The following ELOVL4 variants were observed in gnomAD, a reference collection of about 807,000 sequenced individuals.
ELOVL4 encodes the protein very long chain fatty acid elongase 4.
Under a neutral mutation model 42.1 loss-of-function variants are expected in ELOVL4, and 18 were observed. The ratio of observed to expected loss-of-function variants is 0.43; its 90% confidence interval spans 0.30 to 0.63. The LOEUF (loss-of-function observed/expected upper bound fraction) is 0.63, where lower values mean the gene tolerates loss of function less well. Among genes scored for constraint, ELOVL4 ranks in the 30% least tolerant of loss-of-function variants. The pLI is 0.15. For missense variants in ELOVL4, 299 were observed against 376.2 expected, an observed-to-expected ratio of 0.79 and a Z score of 1.70; for synonymous variants, 117 against 127.0, an observed-to-expected ratio of 0.92 and a Z score of 0.53.
At chr6:79,941,211 T>G (rs1365317733) in intron 1 of ELOVL4, among the ~76,000 whole-genome samples, 1 of 152,158 alleles carries the variant, frequency 6.6e-6, no homozygotes, top group Admixed American at 6.5e-5. Context: ...CCTTACAGAT[T>G]ACCTAATTTA....
At chr6:79,944,788 T>A (rs1266903041) in intron 1 of ELOVL4, among the ~76,000 whole-genome samples, 1 of 152,124 alleles carries the variant, frequency 6.6e-6, no homozygotes, top group Non-Finnish European at 1.5e-5. Context: ...ATAATTTGCA[T>A]CCTTTCACCA....
chr6:79,931,374 G>GC (rs1774440511), intron 1 of ELOVL4, among the ~76,000 whole-genome samples: 2 of 152,088 alleles, frequency 1.3e-5, no homozygotes, highest in Admixed American at 1.3e-4. Flanking sequence ...CAAGAGACTT[G>GC]CCACTGCACG....
chr6:79,945,332 T>C (rs922312919), intron 1 of ELOVL4, among the ~76,000 whole-genome samples: 4 of 152,202 alleles, frequency 2.6e-5, no homozygotes, highest in African/African-American at 7.2e-5. Flanking sequence ...CACAATATTA[T>C]ATTATTTTAT....
chr6:79,916,516 C>T lies in ELOVL4; in HGVS notation c.*92G>A. On this transcript the variant is annotated 3_prime_UTR_variant, in exon 6 of 6. Coordinates refer to ENST00000369816, the MANE Select transcript of ELOVL4 (RefSeq NM_022726.4). ...AGCACATTTGTCTTTTCTCCCCACC[C>T]CCAAGCTCTCCTTTGCTTCTGTTTT... The T allele has an allele frequency of 4.6e-6, 7 of 1,513,742 alleles. No individual in the cohort carries two copies. Among genetic ancestry groups the T allele is most frequent in the Non-Finnish European group, 6.4e-6 (7 of 1,095,038 alleles). 93.8% of individuals were successfully genotyped at this position (1,513,742 alleles called of 1,614,324 possible).
At position 79,934,738 on chromosome 6, in the gene ELOVL4, T is replaced by C. The variant is rs181353921; in HGVS notation, c.101-8357A>G. On this transcript the variant is annotated intron_variant, in intron 1 of 5. Transcript: ENST00000369816. ...AAGTTACTTAGTGCCCCTGGCCTTA[T>C]AGATGATAGTAGGGCTGTTGTGAGG... 9.2e-5 allele frequency among the ~76,000 whole-genome samples: 14 copies of C among 152,320 alleles called. No individual in the cohort carries two copies. In the East Asian group the frequency reaches 2.5e-3, roughly 27 times the overall value.
intron 4 of ELOVL4, among the ~76,000 whole-genome samples, chr6:79,920,957 C>T (rs1030805255): frequency 1.3e-5 from 2 of 152,006 alleles, no homozygotes; most frequent in Non-Finnish European, 2.9e-5. Flanking sequence ...TGTATTAGGG[C>T]AGGAGTGAGC....
rs1464057225 is a variant in ELOVL4, at chr6:79,947,227, G to A, written c.53C>T (p.Ala18Val). The change falls in exon 1 of 6, where the codon GCA becomes GTA. Residue 18 changes from alanine (A) to valine (V), a missense_variant. Physicochemically the swap from Ala to Val is moderately conservative, Grantham distance 64. Coordinates refer to ENST00000369816, the MANE Select transcript of ELOVL4 (RefSeq NM_022726.4). ...GTAGAACTCTACCGTGTCGTTGAGT[G>A]CCGTGGACACTACGTTTAGGACACT... ...PGSVLNVVST[A>V]LNDTVEFYRW... The A allele has an allele frequency of 8.1e-6, 13 of 1,613,150 alleles. No homozygotes were observed. Among genetic ancestry groups the A allele is most frequent in the Non-Finnish European group, 1.1e-5 (13 of 1,179,574 alleles).
rs1774260881 is a variant in ELOVL4 at position 79,921,792 on chromosome 6, G to A, written c.374C>T (p.Ala125Val). The stretch of plus-strand genomic sequence containing the variant: ...TACAAAGTACCACCACAGAGCAGCA[G>A]CTATCTGTAAAAAGGGAAAGCGTGT... ...YSNNVHEVRI[A>V]AALWWYFVSK... Residue 125 changes from alanine to valine, a missense_variant, in exon 4 of 6, where the codon GCT (alanine) becomes GTT (valine). Transcript: ENST00000369816. The A allele has an allele frequency of 1.9e-6, 3 of 1,613,938 alleles. No homozygotes were observed. The East Asian group carries it at 6.7e-5, about 36-fold the overall frequency.
At chr6:79,924,882 ATTTTCAC>A (rs1774318157) in intron 3 of ELOVL4, 63 bp downstream of exon 3, 3 of 956,558 alleles carry the variant, frequency 3.1e-6, no homozygotes, top group Non-Finnish European at 5.1e-6. Flanking sequence ...TACATTCTAT[ATTTTCAC>A]AGACTGGGGC....
At position 79,916,737 on chromosome 6, in the gene ELOVL4, C is replaced by T. The variant is rs1395338941; in HGVS notation, c.816G>A (p.Glu272=). The T allele has an allele frequency of 2.5e-6, 4 of 1,614,060 alleles. No individual in the cohort carries two copies. The highest frequency in any genetic ancestry group is 3.4e-6 in the Non-Finnish European group (4 of 1,180,032). The change falls in exon 6 of 6, where the codon GAG becomes GAA. Residue 272 remains glutamate (E), a synonymous_variant. Coordinates refer to ENST00000369816, the MANE Select transcript of ELOVL4 (RefSeq NM_022726.4). ...TTTTTCCAGCTTTTGGTTTCTTAGG[C>T]TCTTTGTATGTCCGAATGTAGAAGT... ...FLNFYIRTYK[E]PKKPKAGKTA... is the part of the protein sequence containing the mutation.
At chr6:79,933,286 A>C (rs931337277) in intron 1 of ELOVL4, among the ~76,000 whole-genome samples, 9 of 152,176 alleles carry the variant, frequency 5.9e-5, no homozygotes, top group Non-Finnish European at 1.2e-4. Context: ...ACTAGAATGC[A>C]GTGGCATGAT....
At chr6:79,920,437 A>G (rs1774234015) in intron 4 of ELOVL4, among the ~76,000 whole-genome samples, 1 of 152,220 alleles carries the variant, frequency 6.6e-6, no homozygotes, top group Non-Finnish European at 1.5e-5. Flanking sequence ...TTTCCTTTGA[A>G]TAAGAACCAA....
intron 1 of ELOVL4, among the ~76,000 whole-genome samples, chr6:79,929,186 T>C (rs1244588244): frequency 1.3e-5 from 2 of 150,272 alleles, no homozygotes; most frequent in South Asian, 2.1e-4. Context: ...CGGGTGGGCA[T>C]GGTAAAAATG....
rs1221178936 is a variant in ELOVL4 at position 79,921,794 on chromosome 6, T to A, written c.372A>T (p.Ile124=). 6.2e-7 allele frequency: 1 copy of A among 1,613,920 alleles called. No individual in the cohort carries two copies. Among genetic ancestry groups the A allele is most frequent in the Non-Finnish European group, 8.5e-7 (1 of 1,179,914 alleles). ...CAAAGTACCACCACAGAGCAGCAGC[T>A]ATCTGTAAAAAGGGAAAGCGTGTTA... ...DYSNNVHEVR[I]AAALWWYFVS... Residue 124 remains isoleucine, a splice_region_variant and synonymous_variant, in exon 4 of 6, where the codon ATA becomes ATT. Coordinates refer to ENST00000369816, the MANE Select transcript of ELOVL4 (RefSeq NM_022726.4).
intron 1 of ELOVL4, among the ~76,000 whole-genome samples, chr6:79,941,679 T>C (rs976369504): frequency 6.6e-6 from 1 of 152,182 alleles, no homozygotes; most frequent in African/African-American, 2.4e-5. Flanking sequence ...CAGGGCAACA[T>C]GGTGAAATCC....
chr6:79,940,377 T>C (rs1774626525), intron 1 of ELOVL4, among the ~76,000 whole-genome samples: 1 of 152,224 alleles, frequency 6.6e-6, no homozygotes, highest in Non-Finnish European at 1.5e-5. Context: ...TAAAAATTTG[T>C]ATTTTGATTA....
intron 1 of ELOVL4, among the ~76,000 whole-genome samples, chr6:79,944,315 G>T (rs1774699831): frequency 6.6e-6 from 1 of 151,420 alleles, no homozygotes; most frequent in South Asian, 2.1e-4. Flanking sequence ...AAGAATAGAA[G>T]AAAAAAACTA....
At chr6:79,940,350 T>C (rs1002564462) in intron 1 of ELOVL4, among the ~76,000 whole-genome samples, 1 of 152,130 alleles carries the variant, frequency 6.6e-6, no homozygotes, top group Non-Finnish European at 1.5e-5. Flanking sequence ...TGAAGAAAAA[T>C]ATATGGCAAA....
intron 1 of ELOVL4, among the ~76,000 whole-genome samples, chr6:79,930,128 A>C (rs1002166811): frequency 6.6e-6 from 1 of 152,182 alleles, no homozygotes; most frequent in Non-Finnish European, 1.5e-5. Flanking sequence ...TATTTAGTGA[A>C]TATATGTGCT....
Sources: allele counts gnomAD v4.1 joint callset (sites outside exome capture counted in the v4.1 genomes callset), GRCh38; gene constraint gnomAD v4.1.1; transcripts MANE v1.5; gene names NCBI Gene and HGNC (gene_info 2026-07-23, HGNC 2026-07-21).